SNX30: variants seen among roughly 807,000 people sequenced by gnomAD.
SNX30 encodes sorting nexin-30.
A neutral mutation model predicts 46.4 loss-of-function variants in SNX30; 24 were observed. The observed-to-expected ratio is 0.52, with a 90% confidence interval of 0.37 to 0.73. The LOEUF is 0.73. Ranked by LOEUF, SNX30 falls within the 30% of genes least tolerant of loss-of-function variation. The pLI, the probability that SNX30 is intolerant of heterozygous loss-of-function variation, is 0.00. For synonymous variants in SNX30, 189 were observed against 211.5 expected (o/e 0.89, Z 0.92); for missense variants, 533 against 555.7 (o/e 0.96, Z 0.41).
At chr9:112,846,430 C>T (rs1390280079) in intron 6 of SNX30, among the ~76,000 whole-genome samples, 2 of 152,142 alleles carry the variant, frequency 1.3e-5, no homozygotes, top group African/African-American at 4.8e-5. Flanking sequence ...TCCTGGTTTC[C>T]ATAGAATGAA....
At chr9:112,816,748 A>G (rs1369749580) in intron 2 of SNX30, among the ~76,000 whole-genome samples, 1 of 152,176 alleles carries the variant, frequency 6.6e-6, no homozygotes, top group Non-Finnish European at 1.5e-5. Flanking sequence ...TGAAAGAGTA[A>G]ATTTATGAGA....
chr9:112,879,687 G>C (rs1841554241), downstream of SNX30: 3 of 1,428,620 alleles, frequency 2.1e-6, no homozygotes, highest in Non-Finnish European at 2.9e-6. Flanking sequence ...TAGGTCACCA[G>C]TTCCCTGGTC....
intron 1 of SNX30, among the ~76,000 whole-genome samples, chr9:112,788,770 G>A (rs992708968): frequency 2.0e-5 from 3 of 152,044 alleles, no homozygotes; most frequent in African/African-American, 7.2e-5. Flanking sequence ...GGTCAAAGTG[G>A]GCAGAAAAGA....
At chr9:112,847,624 T>A (rs2131474992) in intron 6 of SNX30, among the ~76,000 whole-genome samples, 1 of 152,364 alleles carries the variant, frequency 6.6e-6, no homozygotes, top group Admixed American at 6.5e-5. Context: ...TCTTTGTCCA[T>A]TTATTTTTCC....
At chr9:112,803,949 A>C (rs1307414977) in intron 1 of SNX30, among the ~76,000 whole-genome samples, 3 of 130,430 alleles carry the variant, frequency 2.3e-5, no homozygotes, top group Non-Finnish European at 4.9e-5. Flanking sequence ...GAACTCCCTG[A>C]CCCCTTGCGC....
chr9:112,882,129 CAG>C (rs1405799286), downstream of SNX30, among the ~76,000 whole-genome samples: 3 of 152,118 alleles, frequency 2.0e-5, no homozygotes, highest in African/African-American at 7.2e-5. Flanking sequence ...TTTTTTGAGA[CAG>C]AGTCTTGCTC....
chr9:112,821,923 TGTG>T (rs1840504991), intron 3 of SNX30, among the ~76,000 whole-genome samples: 1 of 152,072 alleles, frequency 6.6e-6, no homozygotes, highest in Non-Finnish European at 1.5e-5. Context: ...TCCTCAGGTA[TGTG>T]TCACCATGCC....
downstream of SNX30, chr9:112,885,551 T>C (rs981169712): frequency 6.6e-6 from 1 of 152,094 alleles, no homozygotes; most frequent in East Asian, 1.9e-4. Context: ...AGAACAGTGC[T>C]GTTCCATATG....
chr9:112,796,602 G>C (rs995732226), intron 1 of SNX30, among the ~76,000 whole-genome samples: 1 of 152,178 alleles, frequency 6.6e-6, no homozygotes, highest in African/African-American at 2.4e-5. Flanking sequence ...GAGAAGCGGA[G>C]GGGGGAGGTC....
chr9:112,815,183 A>AG (rs1424995832), intron 2 of SNX30, among the ~76,000 whole-genome samples: 2 of 152,088 alleles, frequency 1.3e-5, no homozygotes, highest in African/African-American at 4.8e-5. Context: ...AGGAAAAAAA[A>AG]AAAGCCTGTT....
At position 112,870,099 on chromosome 9, in the gene SNX30, A is replaced by T. The variant is rs1283024591; in HGVS notation, c.*1256A>T. 1 of 152,098 alleles carries T rather than the reference A, an allele frequency of 6.6e-6. No individual in the cohort carries two copies. The highest frequency in any genetic ancestry group is 1.5e-5 in the Non-Finnish European group (1 of 68,024). 9.4% of individuals were successfully genotyped at this position (152,098 alleles called of 1,614,324 possible). On this transcript the variant is annotated 3_prime_UTR_variant, in exon 9 of 9. Coordinates refer to ENST00000374232, the MANE Select transcript of SNX30 (RefSeq NM_001012994.2). The stretch of plus-strand genomic sequence containing the variant: ...ACTGCTGAGTGTGGTTACAGGCTGC[A>T]TTTCAGACAATGACCAGGTTTACTT...
intron 7 of SNX30, among the ~76,000 whole-genome samples, chr9:112,860,809 A>T (rs113932213): frequency 2.0e-5 from 3 of 152,340 alleles, no homozygotes; most frequent in Middle Eastern, 6.8e-3. Context: ...ATAAAGCTTG[A>T]GGAGCTGTGC....
intron 3 of SNX30, among the ~76,000 whole-genome samples, chr9:112,829,291 A>G (rs1405515812): frequency 4.6e-5 from 7 of 151,958 alleles, no homozygotes; most frequent in Non-Finnish European, 8.8e-5. Flanking sequence ...TTTGTTTGAG[A>G]TGAAGTCTCA....
intron 1 of SNX30, among the ~76,000 whole-genome samples, chr9:112,777,182 T>G (rs1409935445): frequency 2.6e-5 from 4 of 152,240 alleles, no homozygotes; most frequent in Non-Finnish European, 4.4e-5. Flanking sequence ...TCAAAATTTC[T>G]TATTGATTGA....
intron 1 of SNX30, among the ~76,000 whole-genome samples, chr9:112,783,111 C>T (rs551954120): frequency 2.6e-5 from 4 of 152,346 alleles, no homozygotes; most frequent in Admixed American, 6.5e-5. Context: ...TACCACCAGG[C>T]ACTTCTCCAG....
intron 6 of SNX30, among the ~76,000 whole-genome samples, chr9:112,842,321 G>T (rs1286300492): frequency 1.3e-5 from 2 of 152,184 alleles, no homozygotes; most frequent in African/African-American, 4.8e-5. Flanking sequence ...AGGAGTTACT[G>T]GTGTGGTGAG....
At chr9:112,782,207 C>A (rs1839857386) in intron 1 of SNX30, among the ~76,000 whole-genome samples, 1 of 152,050 alleles carries the variant, frequency 6.6e-6, no homozygotes, top group Admixed American at 6.6e-5. Context: ...GCTGGAGTTA[C>A]AGGCATGTGC....
chr9:112,845,438 C>G (rs1763426406), intron 6 of SNX30, among the ~76,000 whole-genome samples: 1 of 152,162 alleles, frequency 6.6e-6, no homozygotes, highest in Non-Finnish European at 1.5e-5. Context: ...AATCTAGAGT[C>G]TGTTTAAGAA....
At chr9:112,876,375 G>T (rs190783116), downstream of SNX30, among the ~76,000 whole-genome samples, 1 of 152,068 alleles carries the variant, frequency 6.6e-6, no homozygotes, top group African/African-American at 2.4e-5. Flanking sequence ...AGCACTTTGG[G>T]AGGCCACAGC....
Sources: allele counts gnomAD v4.1 joint callset (sites outside exome capture counted in the v4.1 genomes callset), GRCh38; gene constraint gnomAD v4.1.1; transcripts MANE v1.5; gene names NCBI Gene and HGNC (gene_info 2026-07-23, HGNC 2026-07-21).